The following MAG variants were observed in gnomAD, a reference collection of about 807,000 sequenced individuals.
MAG encodes myelin associated glycoprotein, also known as myelin-associated glycoprotein.
Under a neutral mutation model 60.7 loss-of-function variants are expected in MAG, and 30 were observed. The observed-to-expected ratio is 0.49, with a 90% CI of 0.37 to 0.67. The LOEUF is 0.67. MAG is among the 30% of genes least tolerant of loss of function. The probability of loss-of-function intolerance (pLI) is 0.00; values close to 1 mark genes in which losing one functional copy is unlikely to be tolerated. For missense variants in MAG, 795 were observed against 851.7 expected, an observed-to-expected ratio of 0.93 and a Z score of 0.83; for synonymous variants, 384 against 376.8, an observed-to-expected ratio of 1.02 and a Z score of -0.22.
chr19:35,295,976 T>C lies in MAG; in HGVS notation c.410T>C (p.Ile137Thr), dbSNP rs746986956. ...TTCTCAGAGCACAGCGTCCTGGATA[T>C]CGTCAGTGAGTCCCCAGCGGTTGTG... ...YTFSEHSVLD[I>T]VNTPNIVVPP... Residue 137 changes from isoleucine (I) to threonine (T), a missense_variant, in exon 4 of 11, where the codon ATC (isoleucine) becomes ACC (threonine). Transcript: ENST00000392213. The surrounding 1 kb of genome is among the most constrained non-coding windows in gnomAD (Gnocchi z 5.8). 4 of 1,573,324 alleles carry C rather than the reference T, an allele frequency of 2.5e-6. No individual in the cohort carries two copies. The highest frequency in any genetic ancestry group is 3.5e-6 in the Non-Finnish European group (4 of 1,157,254).
intron 7 of MAG, 49 bp downstream of exon 7, chr19:35,302,757 G>C (rs757158068): frequency 6.3e-7 from 1 of 1,594,832 alleles, no homozygotes; most frequent in South Asian, 1.1e-5. Context: ...TTCCGTGGGG[G>C]ACACCAGGGT....
At chr19:35,312,190 C>G in intron 10 of MAG, 173 bp downstream of exon 10, 1 of 1,356,582 alleles carries the variant, frequency 7.4e-7, no homozygotes, top group Admixed American at 1.7e-5. Context: ...GGTGCCCAGG[C>G]CGAAGCTGTG....
intron 1 of MAG, 46 bp downstream of exon 1, chr19:35,292,250 G>A (rs200166262): frequency 1.8e-5 from 8 of 455,958 alleles, no homozygotes; most frequent in African/African-American, 1.2e-4. Flanking sequence ...GCAGGGCACC[G>A]GGGCAGTGGC....
chr19:35,310,717 A>G (rs2066521155), intron 9 of MAG, 74 bp downstream of exon 9: 3 of 1,334,798 alleles, frequency 2.2e-6, no homozygotes, highest in East Asian at 4.6e-5. Context: ...GGAGGCCCAG[A>G]GTGGGTGGGG....
Position 35,313,534 on chromosome 19 carries a change from CA to C in MAG, c.*84del. ...CACTGGCTGTGGGCTCCCTTCCTCC[CA>C]AAAGTATCGGGGGCTGGGGCAGGAG... is the stretch of plus-strand genomic sequence containing the variant. On this transcript the variant is annotated 3_prime_UTR_variant, in exon 11 of 11. Coordinates refer to ENST00000392213, the MANE Select transcript of MAG (RefSeq NM_002361.4). The C allele has an allele frequency of 3.5e-6, 5 of 1,416,992 alleles. No homozygotes were observed. Among genetic ancestry groups the C allele is most frequent in the South Asian group, 1.4e-5 (1 of 72,708 alleles). The allele number at this position is 1,416,992 out of a possible 1,614,324, so 87.8% of individuals were successfully genotyped here.
intron 7 of MAG, among the ~76,000 whole-genome samples, chr19:35,308,841 G>A (rs188393501): frequency 2.0e-4 from 30 of 151,872 alleles, no homozygotes; most frequent in African/African-American, 6.3e-4. Context: ...GTGGCTGGGC[G>A]CAGTGGCTTA....
chr19:35,297,897 CAT>C lies in MAG; in HGVS notation c.416-1655_416-1654del, dbSNP rs555576981. Among the ~76,000 whole-genome samples, 707 of 147,290 alleles carry C rather than the reference CAT, an allele frequency of 4.8e-3. 4 individuals carry two copies. The highest frequency in any genetic ancestry group is 7.8e-3 in the Non-Finnish European group (518 of 66,582). On this transcript the variant is annotated intron_variant, in intron 4 of 10. Transcript: ENST00000392213. ...ACACACCAAACACACACCACACACA[CAT>C]ACCACACTACAAAAACCACACATCA... is the stretch of plus-strand genomic sequence containing the variant.
chr19:35,312,573 C>A, intron 10 of MAG: 2 of 586,184 alleles, frequency 3.4e-6, no homozygotes, highest in South Asian at 4.1e-5. Flanking sequence ...GGGGAACCCA[C>A]ATGTCACCTG....
At chr19:35,303,480 C>A (rs1568473794) in intron 7 of MAG, among the ~76,000 whole-genome samples, 1 of 152,140 alleles carries the variant, frequency 6.6e-6, no homozygotes, top group Non-Finnish European at 1.5e-5. Flanking sequence ...GTTCCCACAG[C>A]CAGGAAATGG....
At position 35,295,938 on chromosome 19, in the gene MAG, C is replaced by T; in HGVS notation, c.372C>T (p.Tyr124=). The part of the protein sequence containing the change: ...KYYFRGDLGG[Y]NQYTFSEHSV... ...ACTTCCGTGGGGACCTGGGCGGCTA[C>T]AACCAGTACACCTTCTCAGAGCACA... The change falls in exon 4 of 11, where the codon TAC becomes TAT. Residue 124 remains tyrosine (Y), a synonymous_variant. Transcript: ENST00000392213. This position sits in a 1 kb window ranked among gnomAD's most constrained non-coding sequence, Gnocchi z 5.8. The T allele has an allele frequency of 6.2e-7, 1 of 1,611,948 alleles. No homozygotes were observed. The highest frequency in any genetic ancestry group is 8.5e-7 in the Non-Finnish European group (1 of 1,179,066).
At position 35,298,657 on chromosome 19, in the gene MAG, C is replaced by A. The variant is rs570756688; in HGVS notation, c.416-897C>A. ...CACACTACACACAGCACACACACAC[C>A]ACACATGATACAAACCACACACCGC... On this transcript the variant is annotated intron_variant, in intron 4 of 10. Transcript: ENST00000392213. 7.8e-4 allele frequency among the ~76,000 whole-genome samples: 116 copies of A among 149,414 alleles called. 1 individual carries two copies. The East Asian group carries it at 0.022, about 29-fold the overall frequency.
Position 35,295,300 on chromosome 19 carries a change from C to A in MAG, c.-23-86C>A. The A allele has an allele frequency of 1.0e-6, 1 of 994,084 alleles. No homozygotes were observed. The highest frequency in any genetic ancestry group is 1.5e-6 in the Non-Finnish European group (1 of 650,660). The allele number at this position is 994,084 out of a possible 1,614,324, so 61.6% of individuals were successfully genotyped here. A position where few individuals can be genotyped will look rare whatever the true frequency, so the allele number is the denominator to read the frequency against. ...AAATAATAATAGCAGCAGCAGCTAA[C>A]ATATGAATGGGCCCCTTCCTGAAGC... On this transcript the variant is annotated intron_variant, in intron 2 of 10. Transcript: ENST00000392213. The surrounding 1 kb of genome is among the most constrained non-coding windows in gnomAD (Gnocchi z 5.8).
In MAG at chr19:35,313,222, C is replaced by T. The variant is rs552022593; in HGVS notation, c.1717-68C>T. ...AACTCAGGAGCTCTGAGGGTGCAAA[C>T]GCTCTGTCCTCTGCATTGGGAAAAG... On this transcript the variant is annotated intron_variant, in intron 10 of 10. Coordinates refer to ENST00000392213, the MANE Select transcript of MAG (RefSeq NM_002361.4). The T allele has an allele frequency of 2.7e-4, 403 of 1,496,754 alleles. 2 individuals carry two copies. In the African/African-American group the frequency reaches 5.0e-3, roughly 19 times the overall value. The allele number at this position is 1,496,754 out of a possible 1,614,324, so 92.7% of individuals were successfully genotyped here. A position where few individuals can be genotyped will look rare whatever the true frequency, so the allele number is the denominator to read the frequency against.
At position 35,293,275 on chromosome 19, in the gene MAG, C is replaced by CTGTG. The variant is rs10557696; in HGVS notation, c.-79-939_-79-936dup. Among the ~76,000 whole-genome samples the CTGTG allele has an allele frequency of 0.018, 2,668 of 149,078 alleles. 47 individuals carry two copies. The highest frequency in any genetic ancestry group is 0.041 in the African/African-American group (1,654 of 40,610). ...TTGTTAGCCTGGCATGCATGCTGGG[C>CTGTG]TGTGTGTGTGTGTGTGTGTGTGTGC... On this transcript the variant is annotated intron_variant, in intron 1 of 10. Coordinates refer to ENST00000392213, the MANE Select transcript of MAG (RefSeq NM_002361.4). This position sits in a 1 kb window ranked among gnomAD's most constrained non-coding sequence, Gnocchi z 4.0.
chr19:35,294,894 C>T (rs894794923), intron 2 of MAG, among the ~76,000 whole-genome samples: 1 of 152,134 alleles, frequency 6.6e-6, no homozygotes, highest in African/African-American at 2.4e-5. Context: ...GAGTGAGCCA[C>T]GATTGCACCA....
intron 7 of MAG, among the ~76,000 whole-genome samples, chr19:35,304,927 C>T (rs765067136): frequency 1.5e-4 from 23 of 152,142 alleles, no homozygotes; most frequent in South Asian, 2.1e-4. Flanking sequence ...AACTCAAGGG[C>T]GGAATTCCCT....
rs754048834 is a variant in MAG, at chr19:35,295,579, G to A, written c.47-34G>A. The A allele has an allele frequency of 1.9e-6, 3 of 1,594,526 alleles. No homozygotes were observed. Among genetic ancestry groups the A allele is most frequent in the South Asian group, 2.3e-5 (2 of 87,684 alleles). The stretch of plus-strand genomic sequence containing the variant: ...CGGAGGGGGTGATCGGGTAGGACGT[G>A]TCCCTGAGCCTCAGCTCTCCTGCTT... On this transcript the variant is annotated intron_variant, in intron 3 of 10. Transcript: ENST00000392213. The surrounding 1 kb of genome is among the most constrained non-coding windows in gnomAD (Gnocchi z 5.8).
intron 7 of MAG, among the ~76,000 whole-genome samples, chr19:35,304,065 A>G (rs1364119288): frequency 2.6e-5 from 4 of 152,326 alleles, no homozygotes; most frequent in Non-Finnish European, 4.4e-5. Context: ...TCTGCTACAC[A>G]GTACATGCTC....
chr19:35,297,070 A>G (rs1188182861), intron 4 of MAG, among the ~76,000 whole-genome samples: 1 of 150,650 alleles, frequency 6.6e-6, no homozygotes, highest in African/African-American at 2.5e-5. Flanking sequence ...CCCTATTCTG[A>G]TTGCCATGTC....
Sources: gnomAD v4.1 joint callset for allele counts (sites outside exome capture counted in the v4.1 genomes callset) on GRCh38, gnomAD v4.1.1 for gene constraint, Gnocchi (gnomAD v3.1) non-coding constraint, MANE v1.5 for transcripts, NCBI Gene and HGNC (gene_info 2026-07-23, HGNC 2026-07-21) for gene names.